Variants in ANKFN1 observed in about 807,000 individuals in gnomAD.
The protein encoded by ANKFN1 is ankyrin repeat and fibronectin type III domain containing 1.
In ANKFN1, 74 loss-of-function variants were observed where a neutral mutation model predicts 108.7. The observed-to-expected ratio is 0.68, with a 90% confidence interval of 0.56 to 0.83. The LOEUF is 0.83. Ranked by LOEUF, ANKFN1 falls within the 40% of genes least tolerant of loss-of-function variation. The pLI is 0.00. For missense variants in ANKFN1, 1,505 were observed against 1,382.3 expected, an observed-to-expected ratio of 1.09 and a Z score of -1.41; for synonymous variants, 547 against 516.2, an observed-to-expected ratio of 1.06 and a Z score of -0.81.
At chr17:56,307,930 G>A (rs1011898408) in intron 3 of ANKFN1, among the ~76,000 whole-genome samples, 2 of 152,164 alleles carry the variant, frequency 1.3e-5, no homozygotes, top group Non-Finnish European at 2.9e-5. Context: ...CCTTTATAGG[G>A]ACATGGATGA....
chr17:56,440,387 T>C lies in ANKFN1; in HGVS notation c.971T>C (p.Leu324Pro). The C allele has an allele frequency of 6.2e-7, 1 of 1,612,778 alleles. No individual in the cohort carries two copies. Among genetic ancestry groups the C allele is most frequent in the South Asian group, 1.1e-5 (1 of 90,936 alleles). ...GCTGGAGAAATCATCATGGATAATC[T>C]GCAGACTCTGAGATGCACAATCACA... ...PLAGEIIMDN[L>P]QTLRCTITGL... The change falls in exon 9 of 21, where the codon CTG becomes CCG. Residue 324 changes from leucine (L) to proline (P), a missense_variant. Leu to Pro is a moderately conservative substitution (Grantham distance 98, BLOSUM62 -3). Transcript: ENST00000682825.
chr17:56,254,763 G>A (rs1567865939), intron 3 of ANKFN1, among the ~76,000 whole-genome samples: 1 of 152,166 alleles, frequency 6.6e-6, no homozygotes, highest in African/African-American at 2.4e-5. Context: ...ACCAGGAGAG[G>A]ACACCATGAA....
chr17:56,139,777 C>A lies in ANKFN1; in HGVS notation c.289-88140C>A, dbSNP rs142650620. 4.0e-4 allele frequency among the ~76,000 whole-genome samples: 61 copies of A among 152,270 alleles called. No homozygotes were observed. The East Asian group carries it at 0.011, about 28-fold the overall frequency. On this transcript the variant is annotated intron_variant, in intron 4 of 12. Coordinates refer to the ANKFN1 transcript ENST00000635860. ...CCTATTCTCCGTAGCCTCATTGCAGCATTACACATTACTGACCACATTACC... is the reference window on the plus strand; with the variant it reads ...CCTATTCTCCGTAGCCTCATTGCAGAATTACACATTACTGACCACATTACC...
intron 4 of ANKFN1, among the ~76,000 whole-genome samples, chr17:56,145,390 A>G (rs1336110628): frequency 6.6e-6 from 1 of 152,196 alleles, no homozygotes; most frequent in African/African-American, 2.4e-5. Flanking sequence ...TATAAAGGAA[A>G]GAGGGTTAAT....
At chr17:56,258,160 A>G (rs2043405990) in intron 3 of ANKFN1, 1 of 152,232 alleles carries the variant, frequency 6.6e-6, no homozygotes, top group Admixed American at 6.5e-5. Context: ...TTAAAGTGAT[A>G]TAGCATTTTT....
Position 56,510,867 on chromosome 17 carries a change from C to A in ANKFN1, c.3039C>A (p.Arg1013=). ...GKHPHYGGFS[R]HHRWLRIHSE... is the part of the protein sequence containing the mutation. ...ACCCCCACTATGGCGGCTTCAGCCG[C>A]CATCATCGCTGGTTGCGCATCCACA... The change falls in exon 21 of 21, where the codon CGC becomes CGA. Residue 1013 remains arginine, a synonymous_variant. Transcript: ENST00000682825. The A allele has an allele frequency of 6.5e-7, 1 of 1,536,110 alleles. No homozygotes were observed. The highest frequency in any genetic ancestry group is 8.7e-7 in the Non-Finnish European group (1 of 1,146,914).
intron 8 of ANKFN1, among the ~76,000 whole-genome samples, chr17:56,395,684 C>A (rs1808303): frequency 0.82 from 123,977 of 152,052 alleles, 51,068 homozygotes; most frequent in East Asian, 0.96. Context: ...CCCCACCTCT[C>A]TTAAAAATAC....
intron 2 of ANKFN1, among the ~76,000 whole-genome samples, chr17:56,217,610 G>A (rs895325136): frequency 2.0e-5 from 3 of 152,134 alleles, no homozygotes; most frequent in African/African-American, 7.2e-5. Flanking sequence ...GCACAGAACA[G>A]CCTCCACAAC....
intron 11 of ANKFN1, among the ~76,000 whole-genome samples, chr17:56,453,585 C>T (rs1202518119): frequency 1.3e-5 from 2 of 152,076 alleles, no homozygotes; most frequent in South Asian, 2.1e-4. Flanking sequence ...CCTTGGATTG[C>T]CTTTTACTAC....
chr17:56,336,728 G>A (rs1378034770), intron 4 of ANKFN1, among the ~76,000 whole-genome samples: 2 of 151,946 alleles, frequency 1.3e-5, no homozygotes, highest in Non-Finnish European at 2.9e-5. Context: ...CTTCAGTTCT[G>A]CTCTGATCTT....
At chr17:56,181,586 A>G (rs567154734) in intron 1 of ANKFN1, among the ~76,000 whole-genome samples, 10 of 152,350 alleles carry the variant, frequency 6.6e-5, no homozygotes, top group African/African-American at 2.2e-4. Context: ...CCAATCATCC[A>G]TTACAGCTGT....
At chr17:56,100,754 A>C (rs540349282) in intron 4 of ANKFN1, among the ~76,000 whole-genome samples, 1 of 152,304 alleles carries the variant, frequency 6.6e-6, no homozygotes, top group African/African-American at 2.4e-5. Context: ...CCTCAGGGGC[A>C]TCTTAAAGAA....
At chr17:56,249,135 G>T (rs2043180325) in intron 3 of ANKFN1, among the ~76,000 whole-genome samples, 1 of 152,096 alleles carries the variant, frequency 6.6e-6, no homozygotes, top group African/African-American at 2.4e-5. Context: ...TTTCCTAAGA[G>T]AATGTTGTTG....
At chr17:56,234,104 G>A (rs895575692) in intron 3 of ANKFN1, among the ~76,000 whole-genome samples, 2 of 151,982 alleles carry the variant, frequency 1.3e-5, no homozygotes, top group Non-Finnish European at 2.9e-5. Flanking sequence ...AATAAATCAA[G>A]ACCTGGTTGG....
intron 19 of ANKFN1, among the ~76,000 whole-genome samples, chr17:56,493,579 A>G (rs1026322578): frequency 3.9e-5 from 6 of 152,168 alleles, no homozygotes; most frequent in African/African-American, 1.4e-4. Context: ...GGGCTTTATT[A>G]AAAGCCATAG....
intron 8 of ANKFN1, among the ~76,000 whole-genome samples, chr17:56,380,921 T>A (rs2047082967): frequency 6.6e-6 from 1 of 152,194 alleles, no homozygotes; most frequent in African/African-American, 2.4e-5. Context: ...TCTGACAGCT[T>A]TGAAGAGAGC....
chr17:56,439,343 C>G (rs9891869), intron 8 of ANKFN1, among the ~76,000 whole-genome samples: 2 of 152,004 alleles, frequency 1.3e-5, no homozygotes, highest in Non-Finnish European at 2.9e-5. Flanking sequence ...TCCCTTAAGT[C>G]CCTGCTTCAT....
At chr17:56,293,510 C>T (rs1307935180) in intron 3 of ANKFN1, among the ~76,000 whole-genome samples, 2 of 152,108 alleles carry the variant, frequency 1.3e-5, no homozygotes, top group East Asian at 1.9e-4. Flanking sequence ...GCACTGGTTT[C>T]GTGCAGGGTA....
At chr17:56,250,478 A>T (rs900855893) in intron 3 of ANKFN1, among the ~76,000 whole-genome samples, 2 of 152,258 alleles carry the variant, frequency 1.3e-5, no homozygotes, top group Non-Finnish European at 2.9e-5. Context: ...AAATAAAAAC[A>T]TGATTATTAC....
Sources: allele counts gnomAD v4.1 joint callset (sites outside exome capture counted in the v4.1 genomes callset), GRCh38; gene constraint gnomAD v4.1.1; transcripts MANE v1.5; gene names NCBI Gene and HGNC (gene_info 2026-07-23, HGNC 2026-07-21).